IMPG1: variants seen among roughly 807,000 people sequenced by gnomAD.
IMPG1 encodes the protein interphotoreceptor matrix proteoglycan of 150 kDa.
A neutral mutation model predicts 92.0 loss-of-function variants in IMPG1; 85 were observed. That is an observed-to-expected ratio of 0.92 (90% CI 0.78 to 1.11). The LOEUF (loss-of-function observed/expected upper bound fraction) is 1.11, where lower values mean the gene tolerates loss of function less well. IMPG1 is among the 50% of genes least tolerant of loss of function. The pLI, the probability that IMPG1 is intolerant of heterozygous loss-of-function variation, is 0.00. For synonymous variants in IMPG1, 367 were observed against 334.1 expected (o/e 1.10, Z -1.08); for missense variants, 1,022 against 956.0 (o/e 1.07, Z -0.91).
intron 15 of IMPG1, among the ~76,000 whole-genome samples, chr6:75,925,936 A>G (rs548208856): frequency 6.6e-6 from 1 of 152,260 alleles, no homozygotes; most frequent in South Asian, 2.1e-4. Context: ...AAGTGCTGGG[A>G]TTACAGGCGT....
At position 75,951,020 on chromosome 6, in the gene IMPG1, T is replaced by C; in HGVS notation, c.1366A>G (p.Ile456Val). ...GTGCCTTGATCAGTCAGAGAGAAGA[T>C]GCTTGATGCCATAAAGAAAGGTGGA... ...EAPPFFMASS[I>V]FSLTDQGTTD... The change falls in exon 13 of 17, where the codon ATC (isoleucine) becomes GTC (valine). Residue 456 changes from isoleucine to valine, a missense_variant. Coordinates refer to ENST00000369950, the MANE Select transcript of IMPG1 (RefSeq NM_001563.4). 1.2e-6 allele frequency: 2 copies of C among 1,613,816 alleles called. No individual in the cohort carries two copies. Among genetic ancestry groups the C allele is most frequent in the South Asian group, 1.1e-5 (1 of 91,080 alleles).
chr6:76,059,037 TG>T (rs1457490691), intron 1 of IMPG1, among the ~76,000 whole-genome samples: 2 of 152,042 alleles, frequency 1.3e-5, no homozygotes, highest in Non-Finnish European at 2.9e-5. Flanking sequence ...TCGGACAAAA[TG>T]GCAGAGGCTG....
At chr6:76,015,396 C>G (rs1783267096) in intron 7 of IMPG1, among the ~76,000 whole-genome samples, 3 of 152,114 alleles carry the variant, frequency 2.0e-5, no homozygotes, top group African/African-American at 7.2e-5. Context: ...TTAGAGAAAT[C>G]AGTGACGACT....
intron 12 of IMPG1, among the ~76,000 whole-genome samples, chr6:75,983,606 C>G (rs1782665576): frequency 6.6e-6 from 1 of 152,024 alleles, no homozygotes; most frequent in South Asian, 2.1e-4. Context: ...AATGTAAAAC[C>G]TGAAACTCTA....
At chr6:75,943,109 G>C (rs1036195435) in intron 14 of IMPG1, among the ~76,000 whole-genome samples, 2 of 152,126 alleles carry the variant, frequency 1.3e-5, no homozygotes, top group Non-Finnish European at 2.9e-5. Context: ...GAAAAAGGAG[G>C]TGTGAGTGAG....
chr6:76,068,584 A>G (rs941636756), intron 1 of IMPG1, among the ~76,000 whole-genome samples: 1 of 137,568 alleles, frequency 7.3e-6, no homozygotes, highest in Non-Finnish European at 1.5e-5. Flanking sequence ...GCATGATCTC[A>G]GCTTACCGCA....
intron 9 of IMPG1, among the ~76,000 whole-genome samples, chr6:76,006,993 A>G (rs1003044261): frequency 6.6e-6 from 1 of 152,164 alleles, no homozygotes. Context: ...CTAGTCAATT[A>G]CAGAGCCAAA....
At chr6:76,043,131 A>T (rs967947128) in intron 1 of IMPG1, among the ~76,000 whole-genome samples, 1 of 151,938 alleles carries the variant, frequency 6.6e-6, no homozygotes, top group African/African-American at 2.4e-5. Flanking sequence ...AGTGGCAGAG[A>T]GTGTTAACAG....
In IMPG1 at chr6:76,042,152, G is replaced by A. The variant is rs201484026; in HGVS notation, c.68-26C>T. Reference sequence around the variant, plus strand: ...CTGTAAAAGAAAGATTGATATCCTGGTGAATATATACATTTATGTGTTATA... The same window carrying A: ...CTGTAAAAGAAAGATTGATATCCTGATGAATATATACATTTATGTGTTATA... On this transcript the variant is annotated intron_variant, in intron 1 of 16. Coordinates refer to ENST00000369950, the MANE Select transcript of IMPG1 (RefSeq NM_001563.4). 43 of 1,125,476 alleles carry A rather than the reference G, an allele frequency of 3.8e-5. No individual in the cohort carries two copies. The African/African-American group carries it at 6.6e-4, about 17-fold the overall frequency. The allele number at this position is 1,125,476 out of a possible 1,614,324, so 69.7% of individuals were successfully genotyped here.
chr6:76,029,915 C>A (rs183602952), intron 4 of IMPG1, among the ~76,000 whole-genome samples: 2 of 152,092 alleles, frequency 1.3e-5, no homozygotes, highest in East Asian at 3.9e-4. Flanking sequence ...GATAAGGAGT[C>A]CATGTAACCC....
chr6:76,050,515 C>T (rs1784022866), intron 1 of IMPG1, among the ~76,000 whole-genome samples: 1 of 152,120 alleles, frequency 6.6e-6, no homozygotes, highest in Admixed American at 6.6e-5. Flanking sequence ...GGTCAAAGTA[C>T]CATTTTCACT....
rs149447638 is a variant in IMPG1, at chr6:75,962,200, GC to G, written c.1292-11107del. ...AGTGGCATGATCACGGCTCACTGCA[GC>G]CTTAAACTCCCTGTCTCAAGCACTC... On this transcript the variant is annotated intron_variant, in intron 12 of 16. Coordinates refer to ENST00000369950, the MANE Select transcript of IMPG1 (RefSeq NM_001563.4). Among the ~76,000 whole-genome samples the G allele has an allele frequency of 5.9e-3, 897 of 152,114 alleles. 8 individuals are homozygous for G. Among genetic ancestry groups the G allele is most frequent in the African/African-American group, 0.02 (849 of 41,490 alleles).
intron 12 of IMPG1, among the ~76,000 whole-genome samples, chr6:75,968,209 A>T (rs947889811): frequency 6.6e-6 from 1 of 152,250 alleles, no homozygotes; most frequent in Non-Finnish European, 1.5e-5. Context: ...ATAGCATTAC[A>T]TAAAAAATTC....
chr6:75,987,231 A>G (rs1049125320), intron 12 of IMPG1, among the ~76,000 whole-genome samples: 1 of 152,026 alleles, frequency 6.6e-6, no homozygotes, highest in Admixed American at 6.6e-5. Flanking sequence ...AAGGCCTCCT[A>G]CGACTTTTTA....
rs764226204 is a variant in IMPG1, at chr6:76,042,011, G to A, written c.183C>T (p.Phe61=). The change falls in exon 2 of 17, where the codon TTC becomes TTT. Residue 61 remains phenylalanine, a synonymous_variant. Coordinates refer to ENST00000369950, the MANE Select transcript of IMPG1 (RefSeq NM_001563.4). The stretch of plus-strand genomic sequence containing the variant: ...TTTTTGTTCGATGCTTTGCCAAATC[G>A]AATATTCGTCTCATAGTTGACATTT... ...MYKMSTMRRI[F]DLAKHRTKRS... 4.3e-6 allele frequency: 7 copies of A among 1,613,086 alleles called. No homozygotes were observed. Among genetic ancestry groups the A allele is most frequent in the South Asian group, 2.2e-5 (2 of 91,050 alleles).
intron 2 of IMPG1, among the ~76,000 whole-genome samples, chr6:76,035,284 C>T (rs1783721333): frequency 6.6e-6 from 1 of 151,890 alleles, no homozygotes; most frequent in Non-Finnish European, 1.5e-5. Flanking sequence ...GGGCGGATCA[C>T]CTGAGGTCAG....
intron 10 of IMPG1, among the ~76,000 whole-genome samples, chr6:76,004,981 T>C (rs949338692): frequency 6.6e-6 from 1 of 152,204 alleles, no homozygotes; most frequent in Non-Finnish European, 1.5e-5. Flanking sequence ...GTTTTGATTG[T>C]GCCAGGGTAA....
rs1228661383 is a variant in IMPG1 at position 75,976,639 on chromosome 6, C to T, written c.1292-25545G>A. Among the ~76,000 whole-genome samples, 6 of 151,960 alleles carry T rather than the reference C, an allele frequency of 3.9e-5. 1 individual carries two copies. The highest frequency in any genetic ancestry group is 1.3e-4 in the Admixed American group (2 of 15,252). Reference sequence around the variant, plus strand: ...GAATATTAGAATCCTTGGCCAGGTGCGGTGTCTCATGCCTGTAATCCCAGC... The same window carrying T: ...GAATATTAGAATCCTTGGCCAGGTGTGGTGTCTCATGCCTGTAATCCCAGC... On this transcript the variant is annotated intron_variant, in intron 12 of 16. Transcript: ENST00000369950.
At chr6:76,031,256 T>C (rs1418508648) in intron 4 of IMPG1, among the ~76,000 whole-genome samples, 1 of 152,214 alleles carries the variant, frequency 6.6e-6, no homozygotes, top group Admixed American at 6.5e-5. Flanking sequence ...ATAGTAGCAG[T>C]TGACCATTAT....
Sources: gnomAD v4.1 joint callset for allele counts (sites outside exome capture counted in the v4.1 genomes callset) on GRCh38, gnomAD v4.1.1 for gene constraint, MANE v1.5 for transcripts, NCBI Gene and HGNC (gene_info 2026-07-23, HGNC 2026-07-21) for gene names.